The following TNRC18 variants were observed in gnomAD, a reference collection of about 807,000 sequenced individuals.
The protein encoded by TNRC18 is trinucleotide repeat containing 18.
Under a neutral mutation model 226.7 loss-of-function variants are expected in TNRC18, and 69 were observed. The observed-to-expected ratio is 0.30, with a 90% CI of 0.25 to 0.37. The LOEUF is 0.37. Ranked by LOEUF, TNRC18 falls within the 10% of genes least tolerant of loss-of-function variation. TNRC18 has a pLI of 1.00. For synonymous variants in TNRC18, 2,449 were observed against 1,927.6 expected, an observed-to-expected ratio of 1.27 and a Z score of -7.09; for missense variants, 4,754 against 4,256.6, an observed-to-expected ratio of 1.12 and a Z score of -3.25.
chr7:5,420,777 C>T (rs1052316644), intron 2 of TNRC18: 17 of 653,258 alleles, frequency 2.6e-5, no homozygotes, highest in African/African-American at 2.5e-4. Context: ...GCCGCCGGGG[C>T]CCCGGGGATT....
Position 5,374,121 on chromosome 7 carries a change from C to T in TNRC18, c.3163G>A (p.Val1055Met). The T allele has an allele frequency of 1.3e-6, 2 of 1,554,692 alleles. No individual in the cohort carries two copies. Among genetic ancestry groups the T allele is most frequent in the Non-Finnish European group, 8.7e-7 (1 of 1,151,806 alleles). Residue 1055 changes from valine (V) to methionine (M), a missense_variant, in exon 10 of 30, where the codon GTG (valine) becomes ATG (methionine). Coordinates refer to ENST00000430969, the MANE Select transcript of TNRC18 (RefSeq NM_001080495.3). Reference protein sequence around the residue: ...ITRKEEAPENVVEKKDLELEK... With the variant: ...ITRKEEAPENMVEKKDLELEK... ...AACTCCAAGTCTTTCTTCTCGACCA[C>T]ATTCTCGGGAGCCTCCTCCTTGCGG...
intron 27 of TNRC18, among the ~76,000 whole-genome samples, chr7:5,311,848 A>G (rs1434971563): frequency 6.6e-6 from 1 of 151,324 alleles, no homozygotes; most frequent in Admixed American, 6.6e-5. Flanking sequence ...AAAGAAAAGA[A>G]AAAGCCAGGC....
rs769571087 is a variant in TNRC18 at position 5,389,163 on chromosome 7, C to T, written c.661G>A (p.Gly221Ser). 3 of 1,325,106 alleles carry T rather than the reference C, an allele frequency of 2.3e-6. No homozygotes were observed. Among genetic ancestry groups the T allele is most frequent in the African/African-American group, 3.1e-5 (2 of 63,722 alleles). The allele number at this position is 1,325,106 out of a possible 1,614,324, so 82.1% of individuals were successfully genotyped here. ...CCCCGGGCGCGCGGGTCCTTCTTGC[C>T]GAAAAGCGGAGGCGGCTCCCCGCCG... Reference protein sequence around the residue: ...GRGGEPPPLFGKKDPRARGEE... With the variant: ...GRGGEPPPLFSKKDPRARGEE... The change falls in exon 5 of 30, where the codon GGC becomes AGC. Residue 221 changes from glycine to serine, a missense_variant. By Grantham distance (56) the Gly-to-Ser change is moderately conservative (BLOSUM62 0). Transcript: ENST00000430969.
At position 5,394,695 on chromosome 7, in the gene TNRC18, C is replaced by T. The variant is rs1000765839; in HGVS notation, c.188-100G>A. On this transcript the variant is annotated intron_variant, in intron 2 of 29. Transcript: ENST00000430969. The surrounding 1 kb of genome is among the most constrained non-coding windows in gnomAD (Gnocchi z 4.5). ...CCACCGCCCCGAGACCGCCGCCTCT[C>T]CCCAGCTGTGTGGAGCTGATGCTGG... 1 of 891,738 alleles carries T rather than the reference C, an allele frequency of 1.1e-6. No individual in the cohort carries two copies. The highest frequency in any genetic ancestry group is 1.7e-6 in the Non-Finnish European group (1 of 586,608). 55.2% of individuals were successfully genotyped at this position (891,738 alleles called of 1,614,324 possible). A position where few individuals can be genotyped will look rare whatever the true frequency, so the allele number is the denominator to read the frequency against.
chr7:5,401,864 G>A (rs2128209719), intron 2 of TNRC18, among the ~76,000 whole-genome samples: 1 of 152,234 alleles, frequency 6.6e-6, no homozygotes, highest in South Asian at 2.1e-4. Flanking sequence ...AAAGTGGGAG[G>A]ACCGCCGGGA....
chr7:5,371,506 G>C (rs781237589), intron 10 of TNRC18, 142 bp from the exon 11 acceptor site: 48 of 1,144,340 alleles, frequency 4.2e-5, no homozygotes, highest in Non-Finnish European at 5.5e-5. Flanking sequence ...AGCTGTTCTA[G>C]GTGGGATCTC....
Position 5,309,875 on chromosome 7 carries a change from C to A in TNRC18, c.8389-507G>T, listed in dbSNP as rs996841053. On this transcript the variant is annotated intron_variant, in intron 27 of 29. Transcript: ENST00000430969. This position sits in a 1 kb window ranked among gnomAD's most constrained non-coding sequence, Gnocchi z 5.7. ...CCTTTGCCTCCCAAAGCACTAGGATCGCAGTGTCAGCCACTGCACCTGGCC... is the reference window on the plus strand; with the variant it reads ...CCTTTGCCTCCCAAAGCACTAGGATAGCAGTGTCAGCCACTGCACCTGGCC... Among the ~76,000 whole-genome samples, 13 of 152,074 alleles carry A rather than the reference C, an allele frequency of 8.5e-5. 1 individual carries two copies. The highest frequency in any genetic ancestry group is 5.2e-4 in the Admixed American group (8 of 15,258).
intron 17 of TNRC18, among the ~76,000 whole-genome samples, chr7:5,350,844 G>GCTCC (rs1298307392): frequency 2.0e-5 from 3 of 152,248 alleles, no homozygotes; most frequent in African/African-American, 7.2e-5. Flanking sequence ...AGAGCACGAT[G>GCTCC]CTCCGTCCCT....
In TNRC18 at chr7:5,377,223, T is replaced by C. The variant is rs765851527; in HGVS notation, c.2461+148A>G. 1.3e-5 allele frequency: 14 copies of C among 1,093,310 alleles called. No individual in the cohort carries two copies. The highest frequency in any genetic ancestry group is 1.8e-5 in the Non-Finnish European group (14 of 778,914). 67.7% of individuals were successfully genotyped at this position (1,093,310 alleles called of 1,614,324 possible). On this transcript the variant is annotated intron_variant, in intron 7 of 29. Coordinates refer to ENST00000430969, the MANE Select transcript of TNRC18 (RefSeq NM_001080495.3). This position sits in a 1 kb window ranked among gnomAD's most constrained non-coding sequence, Gnocchi z 5.8. ...AGGGGCCCCACGAGGCAGAGGCCAT[T>C]ATCATTCCTTCTTCCGACGAATGCG...
Position 5,310,880 on chromosome 7 carries a change from G to T in TNRC18, c.8389-1512C>A, listed in dbSNP as rs1157386654. On this transcript the variant is annotated intron_variant, in intron 27 of 29. Transcript: ENST00000430969. ...TCCTGCCATGTATATGTGCCTGTGT[G>T]TGCACATGTTCATCTGTGCATTTGT... is the stretch of plus-strand genomic sequence containing the variant. Among the ~76,000 whole-genome samples, 47 of 152,230 alleles carry T rather than the reference G, an allele frequency of 3.1e-4. 1 individual carries two copies. Among genetic ancestry groups the T allele is most frequent in the Admixed American group, 3.1e-3 (47 of 15,286 alleles).
rs536795413 is a variant in TNRC18 at position 5,317,693 on chromosome 7, T to A, written c.6746-1621A>T. ...AAAAATTTAAGGAATATTCAGAGAA[T>A]AAGAAAGAACTCTTAAGGTTTTTTT... On this transcript the variant is annotated intron_variant, in intron 24 of 29. Coordinates refer to ENST00000430969, the MANE Select transcript of TNRC18 (RefSeq NM_001080495.3). 5.8e-4 allele frequency among the ~76,000 whole-genome samples: 83 copies of A among 141,928 alleles called. 1 individual carries two copies. Among genetic ancestry groups the A allele is most frequent in the African/African-American group, 2.2e-3 (83 of 38,236 alleles). The allele number at this position is 141,928 out of a possible 152,430, so 93.1% of individuals were successfully genotyped here. A position where few individuals can be genotyped will look rare whatever the true frequency, so the allele number is the denominator to read the frequency against.
chr7:5,361,545 C>T, intron 14 of TNRC18, 49 bp downstream of exon 14: 1 of 1,444,666 alleles, frequency 6.9e-7, no homozygotes, highest in African/African-American at 1.5e-5. Context: ...CCGGGCTCCT[C>T]CCCTCAAGCT....
At chr7:5,373,583 C>G (rs762654929) in intron 10 of TNRC18, among the ~76,000 whole-genome samples, 3 of 152,264 alleles carry the variant, frequency 2.0e-5, no homozygotes, top group Non-Finnish European at 4.4e-5. Context: ...CACCTGATAC[C>G]CCCCAGGGAG....
chr7:5,332,474 G>C, intron 19 of TNRC18, 148 bp downstream of exon 19: 1 of 830,600 alleles, frequency 1.2e-6, no homozygotes, highest in South Asian at 1.9e-5. Flanking sequence ...CTGTGGCTAA[G>C]TCCTAGCAGG....
intron 17 of TNRC18, among the ~76,000 whole-genome samples, chr7:5,348,527 G>A (rs984283037): frequency 6.6e-6 from 1 of 152,184 alleles, no homozygotes; most frequent in African/African-American, 2.4e-5. Flanking sequence ...TGGCCCCAGA[G>A]GTGCCAATGA....
At position 5,371,104 on chromosome 7, in the gene TNRC18, C is replaced by A. The variant is rs1039946002; in HGVS notation, c.3490G>T (p.Asp1164Tyr). The change falls in exon 11 of 30, where the codon GAC (aspartate) becomes TAC (tyrosine). Residue 1164 changes from aspartate to tyrosine, a missense_variant. Coordinates refer to ENST00000430969, the MANE Select transcript of TNRC18 (RefSeq NM_001080495.3). ...AEREVKAEVE[D>Y]MDEGPTELPP... ...AGCTCTGTGGGGCCCTCGTCCATGT[C>A]CTCCACCTCTGCCTTCACCTCCCGC... 6.2e-7 allele frequency: 1 copy of A among 1,612,416 alleles called. No homozygotes were observed. Among genetic ancestry groups the A allele is most frequent in the Non-Finnish European group, 8.5e-7 (1 of 1,179,664 alleles).
chr7:5,374,342 C>A lies in TNRC18; in HGVS notation c.2942G>T (p.Gly981Val). The change falls in exon 10 of 30, where the codon GGC (glycine) becomes GTC (valine). Residue 981 changes from glycine to valine, a missense_variant. Physicochemically the swap from Gly to Val is moderately radical, Grantham distance 109 (BLOSUM62 -3). Coordinates refer to ENST00000430969, the MANE Select transcript of TNRC18 (RefSeq NM_001080495.3). ...LPRKPPGLAA[G>V]PAGTYGKAVS... ...GGCCTTGCCGTAGGTGCCCGCGGGG[C>A]CGGCGGCCAGGCCAGGGGGCTTCCG... 7.0e-7 allele frequency: 1 copy of A among 1,422,040 alleles called. No homozygotes were observed. Among genetic ancestry groups the A allele is most frequent in the Non-Finnish European group, 9.1e-7 (1 of 1,096,514 alleles). The allele number at this position is 1,422,040 out of a possible 1,614,324, so 88.1% of individuals were successfully genotyped here.
chr7:5,325,426 TTG>T, intron 19 of TNRC18, 178 bp from the exon 20 acceptor site: 70 of 669,142 alleles, frequency 1.0e-4, no homozygotes, highest in Middle Eastern at 4.2e-4. Flanking sequence ...GGGTTTTTTT[TTG>T]TTTTTTTTTT....
At chr7:5,308,564 C>T (rs546410793) in intron 29 of TNRC18, among the ~76,000 whole-genome samples, 3 of 152,102 alleles carry the variant, frequency 2.0e-5, no homozygotes, top group East Asian at 1.9e-4. Flanking sequence ...AGACCGAGAT[C>T]GAGAGAGACC....
Sources: allele counts gnomAD v4.1 joint callset (sites outside exome capture counted in the v4.1 genomes callset), GRCh38; gene constraint gnomAD v4.1.1; non-coding constraint Gnocchi (gnomAD v3.1); transcripts MANE v1.5; gene names NCBI Gene and HGNC (gene_info 2026-07-23, HGNC 2026-07-21).